The following TTN variants were observed in gnomAD, a reference collection of about 807,000 sequenced individuals.
TTN encodes titin, also known as connectin.
A neutral mutation model predicts 3,223.0 loss-of-function variants in TTN; 1,525 were observed. The ratio of observed to expected loss-of-function variants is 0.47; its 90% CI spans 0.45 to 0.49. TTN has a LOEUF of 0.49. Among genes scored for constraint, TTN ranks in the 20% least tolerant of loss-of-function variants. The pLI is 0.00. For missense variants in TTN, 40,786 were observed against 43,424.0 expected, an observed-to-expected ratio of 0.94 and a Z score of 5.40; for synonymous variants, 14,094 against 15,161.0, an observed-to-expected ratio of 0.93 and a Z score of 5.17.
At chr2:178,694,572 T>C (rs1560443145) in intron 117 of TTN, 27 bp downstream of exon 117, 2 of 1,530,722 alleles carry the variant, frequency 1.3e-6, no homozygotes, top group Non-Finnish European at 1.8e-6. Flanking sequence ...AATTTTGAAC[T>C]TGTAGCTGAA....
chr2:178,799,941 G>A, intron 4 of TTN, 31 bp from the exon 5 acceptor site: 2 of 1,607,988 alleles, frequency 1.2e-6, no homozygotes, highest in Non-Finnish European at 1.7e-6. Context: ...ATGTTTGGGA[G>A]GGGGCACAAT....
In TTN at chr2:178,536,570, G is replaced by A; in HGVS notation, c.100177C>T (p.Pro33393Ser). 2 of 1,489,846 alleles carry A rather than the reference G, an allele frequency of 1.3e-6. No homozygotes were observed. The highest frequency in any genetic ancestry group is 2.5e-5 in the Admixed American group (1 of 40,470). 92.3% of individuals were successfully genotyped at this position (1,489,846 alleles called of 1,614,324 possible). ...VVIIKSPFEK[P>S]GAPGKPTITA... is the part of the protein sequence containing the mutation. The stretch of plus-strand genomic sequence containing the variant: ...ATAGTTGGTTTGCCAGGAGCACCTG[G>A]CTTTTCTATTAAACAAAAAAAAGAT... The change falls in exon 357 of 363, where the codon CCA becomes TCA. Residue 33393 changes from proline (P) to serine (S), a missense_variant. Coordinates refer to ENST00000589042, the MANE Select transcript of TTN (RefSeq NM_001267550.2).
intron 6 of TTN, chr2:178,799,262 T>G: frequency 1.6e-6 from 1 of 621,276 alleles, no homozygotes; most frequent in East Asian, 3.2e-5. Context: ...TAAAAACCCC[T>G]GAGACCCTAG....
chr2:178,592,272 G>T lies in TTN; in HGVS notation c.59632C>A (p.Pro19878Thr), dbSNP rs752854931. Residue 19878 changes from proline (P) to threonine (T), a missense_variant, in exon 302 of 363, where the codon CCT (proline) becomes ACT (threonine). Coordinates refer to ENST00000589042, the MANE Select transcript of TTN (RefSeq NM_001267550.2). ...ACTTCCAGATCTCTAGGTGGCCCAG[G>T]TTTATCTAAAAAGTGTTAAATAACA... ...VSVKVLVLDK[P>T]GPPRDLEVSE... is the part of the protein sequence containing the mutation. 1.2e-6 allele frequency: 2 copies of T among 1,609,258 alleles called. No homozygotes were observed. The highest frequency in any genetic ancestry group is 2.2e-5 in the East Asian group (1 of 44,526).
At chr2:178,632,434 G>A in intron 235 of TTN, 21 bp from the exon 236 acceptor site, 1 of 1,575,052 alleles carries the variant, frequency 6.3e-7, no homozygotes, top group Non-Finnish European at 8.6e-7. Flanking sequence ...AAAAAAGAAA[G>A]AACTTATTAA....
Position 178,746,388 on chromosome 2 carries a change from G to T in TTN, c.11312-4467C>A, listed in dbSNP as rs776832811. The stretch of plus-strand genomic sequence containing the variant: ...CTCACAATCATACTTTTATGGTCAG[G>T]AGTAAATTCGGGAACTGTCACTATT... On this transcript the variant is annotated intron_variant, in intron 47 of 362. Transcript: ENST00000589042. 9.3e-6 allele frequency: 15 copies of T among 1,609,844 alleles called. No individual in the cohort carries two copies. The South Asian group carries it at 1.7e-4, about 18-fold the overall frequency.
rs2060400293 is a variant in TTN at position 178,636,077 on chromosome 2, C to T, written c.41494G>A (p.Gly13832Ser). The change falls in exon 226 of 363, where the codon GGC (glycine) becomes AGC (serine). Residue 13832 changes from glycine (G) to serine (S), a missense_variant. Physicochemically the swap from Gly to Ser is moderately conservative, Grantham distance 56. Transcript: ENST00000589042. This position sits in a 1 kb window ranked among gnomAD's most constrained non-coding sequence, Gnocchi z 4.3. ...KPGRIVPGVI[G>S]LMRALTINDA... ...TTGATGGTCAGAGCCCGCATCAAGC[C>T]AATGACGCCTGGCACAATTCGGCCA... is the stretch of plus-strand genomic sequence containing the variant. 1 of 1,613,168 alleles carries T rather than the reference C, an allele frequency of 6.2e-7. No individual in the cohort carries two copies. Among genetic ancestry groups the T allele is most frequent in the African/African-American group, 1.3e-5 (1 of 74,868 alleles).
Position 178,768,244 on chromosome 2 carries a change from T to C in TTN, c.9164-89A>G, listed in dbSNP as rs72647891. On this transcript the variant is annotated intron_variant, in intron 38 of 362. Transcript: ENST00000589042. ...CTGTACAATCCACCAATTTAAAGTA[T>C]ACAATTCAATGAATTTCCATGTATT... is the stretch of plus-strand genomic sequence containing the variant. 0.02 allele frequency: 28,328 copies of C among 1,425,286 alleles called. 316 individuals are homozygous for C. The highest frequency in any genetic ancestry group is 0.036 in the Admixed American group (1,896 of 52,588). The allele number at this position is 1,425,286 out of a possible 1,614,324, so 88.3% of individuals were successfully genotyped here.
Position 178,574,715 on chromosome 2 carries a change from C to G in TTN, c.71417G>C (p.Arg23806Thr). The G allele has an allele frequency of 6.2e-7, 1 of 1,613,274 alleles. No individual in the cohort carries two copies. Among genetic ancestry groups the G allele is most frequent in the Non-Finnish European group, 8.5e-7 (1 of 1,179,552 alleles). The change falls in exon 326 of 363, where the codon AGA (arginine) becomes ACA (threonine). Residue 23806 changes from arginine (R) to threonine (T), a missense_variant. By Grantham distance (71) the Arg-to-Thr change is moderately conservative (BLOSUM62 -1). Coordinates refer to ENST00000589042, the MANE Select transcript of TTN (RefSeq NM_001267550.2). ...TGTGATGCCTGGTCCAACTCCATAT[C>G]TATTCTGAGCTTTTACACGGAACTG... ...EYQFRVKAQN[R>T]YGVGPGITSA...
At position 178,766,414 on chromosome 2, in the gene TTN, T is replaced by C. The variant is rs557221911; in HGVS notation, c.9670A>G (p.Arg3224Gly). The C allele has an allele frequency of 3.7e-6, 6 of 1,614,094 alleles. No individual in the cohort carries two copies. The Admixed American group carries it at 8.3e-5, about 22-fold the overall frequency. ...TAGAGAGTGACAGAACTCCTGTTCC[T>C]TCCTGCCACAAAGGTGTATTCTCCT... ...DAGEYTFVAGRNRSSVTLYVN... is the reference protein window; with the variant it reads ...DAGEYTFVAGGNRSSVTLYVN... The change falls in exon 41 of 363, where the codon AGG becomes GGG. Residue 3224 changes from arginine (R) to glycine (G), a missense_variant. Arg to Gly is a moderately radical substitution (Grantham distance 125). Transcript: ENST00000589042.
At chr2:178,746,241 A>C in intron 47 of TTN, 1 of 1,612,766 alleles carries the variant, frequency 6.2e-7, no homozygotes, top group Non-Finnish European at 8.5e-7. Context: ...TTAAAATCAC[A>C]AATAGGCATT....
At chr2:178,773,008 A>T in intron 33 of TTN, 101 bp downstream of exon 33, 1 of 1,483,268 alleles carries the variant, frequency 6.7e-7, no homozygotes, top group Non-Finnish European at 9.3e-7. Flanking sequence ...AAGCAGAGGC[A>T]TGGAAGTGGG....
intron 47 of TTN, chr2:178,745,638 C>A: frequency 6.2e-7 from 1 of 1,612,810 alleles, no homozygotes; most frequent in Non-Finnish European, 8.5e-7. Flanking sequence ...TTGTTTGTAG[C>A]TACACACCTA....
intron 100 of TTN, 92 bp from the exon 101 acceptor site, chr2:178,707,046 G>A: frequency 3.6e-6 from 4 of 1,117,054 alleles, no homozygotes; most frequent in Non-Finnish European, 5.0e-6. Flanking sequence ...GAGGTTGGCA[G>A]TTTGATAAGT....
Position 178,545,393 on chromosome 2 carries a change from G to A in TTN, c.95717C>T (p.Pro31906Leu). 1 of 1,563,244 alleles carries A rather than the reference G, an allele frequency of 6.4e-7. No homozygotes were observed. The highest frequency in any genetic ancestry group is 1.4e-5 in the African/African-American group (1 of 73,472). Residue 31906 changes from proline to leucine, a missense_variant, in exon 344 of 363, where the codon CCA becomes CTA. Pro to Leu is a moderately conservative substitution (Grantham distance 98, BLOSUM62 -3). Coordinates refer to ENST00000589042, the MANE Select transcript of TTN (RefSeq NM_001267550.2). ...EASNFISCRE[P>L]SYTPGPPSAP... ...GTATGATTCTTGGAGCTCACATGAT[G>A]GTTCTCTGCATGAGATGAAGTTGGA...
Position 178,650,800 on chromosome 2 carries a change from C to T in TTN, c.39660G>A (p.Glu13220=). 1 of 1,607,746 alleles carries T rather than the reference C, an allele frequency of 6.2e-7. No individual in the cohort carries two copies. Among genetic ancestry groups the T allele is most frequent in the South Asian group, 1.1e-5 (1 of 89,598 alleles). ...TTTCTGGAACAGGAACAGCTGGTTT[C>T]TCTTCCAAGACAGGTTTCTTTGGCA... The part of the protein sequence containing the change: ...PEVPKKPVLE[E]KPAVPVPERA... Residue 13220 remains glutamate, a synonymous_variant, in exon 209 of 363, where the codon GAG becomes GAA. Coordinates refer to ENST00000589042, the MANE Select transcript of TTN (RefSeq NM_001267550.2).
rs750250765 is a variant in TTN, at chr2:178,730,533, G to A, written c.18000C>T (p.Asn6000=). The part of the protein sequence containing the change: ...TCSATNKAGH[N]QCSGHLTVKE... The stretch of plus-strand genomic sequence containing the variant: ...TGACTGTCAGATGCCCACTGCATTG[G>A]TTGTGCCCTGCCTTATTTGTGGCAG... The change falls in exon 61 of 363, where the codon AAC becomes AAT. Residue 6000 remains asparagine, a synonymous_variant. Coordinates refer to ENST00000589042, the MANE Select transcript of TTN (RefSeq NM_001267550.2). 5 of 1,612,988 alleles carry A rather than the reference G, an allele frequency of 3.1e-6. No individual in the cohort carries two copies. Among genetic ancestry groups the A allele is most frequent in the Non-Finnish European group, 4.2e-6 (5 of 1,179,148 alleles).
At chr2:178,665,813 G>A in intron 163 of TTN, 22 bp from the exon 164 acceptor site, 2 of 1,192,350 alleles carry the variant, frequency 1.7e-6, no homozygotes, top group Non-Finnish European at 2.1e-6. Flanking sequence ...TGAATGCATT[G>A]TACTTTGGAG....
Position 178,575,876 on chromosome 2 carries a change from T to A in TTN, c.70256A>T (p.Asn23419Ile). 6.2e-7 allele frequency: 1 copy of A among 1,613,296 alleles called. No individual in the cohort carries two copies. The highest frequency in any genetic ancestry group is 8.5e-7 in the Non-Finnish European group (1 of 1,179,566). Residue 23419 changes from asparagine (N) to isoleucine (I), a missense_variant, in exon 326 of 363, where the codon AAC (asparagine) becomes ATC (isoleucine). By Grantham distance (149) the Asn-to-Ile change is moderately radical. Transcript: ENST00000589042. This position sits in a 1 kb window ranked among gnomAD's most constrained non-coding sequence, Gnocchi z 4.0. ...DTGKFVMTIE[N>I]PAGKKSGFVN... ...AAAGCCACTTTTCTTCCCAGCCGGG[T>A]TTTCAATGGTCATGACAAATTTACC...
Sources: allele counts gnomAD v4.1 joint callset, GRCh38; gene constraint gnomAD v4.1.1; non-coding constraint Gnocchi (gnomAD v3.1); transcripts MANE v1.5; gene names NCBI Gene and HGNC (gene_info 2026-07-23, HGNC 2026-07-21).